Variants in SAMD7 observed in about 807,000 individuals in gnomAD.
SAMD7 encodes sterile alpha motif domain containing 7.
Under a neutral mutation model 36.7 loss-of-function variants are expected in SAMD7, and 34 were observed. The ratio of observed to expected loss-of-function variants is 0.93; its 90% CI spans 0.71 to 1.23. The LOEUF (loss-of-function observed/expected upper bound fraction) is 1.23, where lower values mean the gene tolerates loss of function less well. Ranked by LOEUF, SAMD7 falls within the 50% of genes most tolerant of loss-of-function variation. The probability of loss-of-function intolerance (pLI) is 0.00; values close to 1 mark genes in which losing one functional copy is unlikely to be tolerated. For synonymous variants in SAMD7, 188 were observed against 189.7 expected, an observed-to-expected ratio of 0.99 and a Z score of 0.07; for missense variants, 570 against 546.6, an observed-to-expected ratio of 1.04 and a Z score of -0.43.
At chr3:169,921,149 A>T (rs1713024769) in intron 3 of SAMD7, 65 bp from the exon 4 acceptor site, 1 of 1,449,542 alleles carries the variant, frequency 6.9e-7, no homozygotes, top group Non-Finnish European at 9.7e-7. Flanking sequence ...TCATTGTCTC[A>T]GCCATGGAAA....
Position 169,928,533 on chromosome 3 carries a change from G to GCACA in SAMD7, c.997_1000dup (p.Ser334ThrfsTer18), listed in dbSNP as rs1713364880. 1 of 1,613,900 alleles carries GCACA rather than the reference G, an allele frequency of 6.2e-7. No homozygotes were observed. The highest frequency in any genetic ancestry group is 1.3e-5 in the African/African-American group (1 of 74,918). On this transcript the variant is annotated frameshift_variant, in exon 7 of 9. Coordinates refer to ENST00000335556, the MANE Select transcript of SAMD7 (RefSeq NM_001304366.2). LOFTEE classifies it high-confidence loss of function. The stretch of plus-strand genomic sequence containing the variant: ...TTCAGAAGTGGACCGTGGATGATGT[G>GCACA]CACAGCTTCATTCGCAGCCTTCCAG...
chr3:169,926,078 A>G, intron 5 of SAMD7: 1 of 378,678 alleles, frequency 2.6e-6, no homozygotes. Context: ...ATTGAGGACC[A>G]AAAAGCAAAG....
chr3:169,923,339 G>A (rs1341478092), intron 4 of SAMD7, among the ~76,000 whole-genome samples: 1 of 152,174 alleles, frequency 6.6e-6, no homozygotes, highest in Admixed American at 6.5e-5. Flanking sequence ...TTGGTTCAAG[G>A]ACCAAAGGAG....
chr3:169,921,120 A>T lies in SAMD7; in HGVS notation c.87-94A>T, dbSNP rs547167651. 1.1e-5 allele frequency: 12 copies of T among 1,115,824 alleles called. No homozygotes were observed. The East Asian group carries it at 2.1e-4, about 20-fold the overall frequency. 69.1% of individuals were successfully genotyped at this position (1,115,824 alleles called of 1,614,324 possible). On this transcript the variant is annotated intron_variant, in intron 3 of 8. Transcript: ENST00000335556. ...TCTTGAGAAGAGATGATAGAATCCC[A>T]TATGGCAATAACAAAATCTCATTGT... is the stretch of plus-strand genomic sequence containing the variant.
chr3:169,923,378 G>GC (rs1325375673), intron 4 of SAMD7, among the ~76,000 whole-genome samples: 1 of 152,218 alleles, frequency 6.6e-6, no homozygotes, highest in African/African-American at 2.4e-5. Flanking sequence ...CTGGATGGAA[G>GC]CCAGCTGGCA....
intron 1 of SAMD7, among the ~76,000 whole-genome samples, chr3:169,912,971 C>T (rs189033901): frequency 4.6e-5 from 7 of 152,048 alleles, no homozygotes; most frequent in African/African-American, 1.7e-4. Flanking sequence ...AAGGCCTCTG[C>T]AAAACATAAG....
chr3:169,924,491 G>A (rs1242662264), intron 4 of SAMD7, among the ~76,000 whole-genome samples: 4 of 152,248 alleles, frequency 2.6e-5, no homozygotes, highest in South Asian at 4.1e-4. Flanking sequence ...GGAGGCTGAG[G>A]CAGGAGAATT....
intron 7 of SAMD7, among the ~76,000 whole-genome samples, chr3:169,934,040 G>A (rs1445436600): frequency 6.6e-6 from 1 of 152,182 alleles, no homozygotes; most frequent in Admixed American, 6.5e-5. Flanking sequence ...AGTTCCCAGT[G>A]CTACAGAGGG....
intron 7 of SAMD7, among the ~76,000 whole-genome samples, chr3:169,935,600 G>T (rs1369150494): frequency 6.6e-6 from 1 of 152,136 alleles, no homozygotes; most frequent in Non-Finnish European, 1.5e-5. Context: ...AGTTTGAGGA[G>T]GGTGGAGATA....
At chr3:169,937,906 T>C (rs899169783) in intron 8 of SAMD7, among the ~76,000 whole-genome samples, 3 of 152,124 alleles carry the variant, frequency 2.0e-5, no homozygotes, top group Admixed American at 1.3e-4. Flanking sequence ...GTAAAAGTGG[T>C]CCTTTTAATA....
At chr3:169,913,513 G>T (rs1476821475) in intron 1 of SAMD7, among the ~76,000 whole-genome samples, 1 of 152,122 alleles carries the variant, frequency 6.6e-6, no homozygotes, top group African/African-American at 2.4e-5. Context: ...TGCCTGGAGG[G>T]GTTTGTTGAG....
At chr3:169,931,375 G>T (rs1020431780) in intron 7 of SAMD7, among the ~76,000 whole-genome samples, 4 of 152,246 alleles carry the variant, frequency 2.6e-5, no homozygotes, top group African/African-American at 9.6e-5. Context: ...CTGAGGGTTA[G>T]ATCCTCACAC....
In SAMD7 at chr3:169,919,599, T is replaced by C. The variant is rs371377374; in HGVS notation, c.86+15T>C. The C allele has an allele frequency of 5.1e-6, 8 of 1,567,664 alleles. No individual in the cohort carries two copies. The highest frequency in any genetic ancestry group is 7.0e-6 in the Non-Finnish European group (8 of 1,137,462). On this transcript the variant is annotated intron_variant, in intron 3 of 8. Transcript: ENST00000335556. ...ACTGTGGACAGGTATTTCTCTTCAA[T>C]ATAATAGTTTGATCAAAGAACAACA... is the stretch of plus-strand genomic sequence containing the variant.
At chr3:169,922,752 G>C (rs1713100123) in intron 4 of SAMD7, among the ~76,000 whole-genome samples, 2 of 152,180 alleles carry the variant, frequency 1.3e-5, no homozygotes, top group Non-Finnish European at 2.9e-5. Context: ...ACTTGCTTCA[G>C]CCTCCCAAAG....
rs187673683 is a variant in SAMD7 at position 169,926,997 on chromosome 3, G to A, written c.735G>A (p.Thr245=). 1.2e-4 allele frequency: 186 copies of A among 1,613,882 alleles called. 2 individuals carry two copies. In the Admixed American group the frequency reaches 3.0e-3, roughly 26 times the overall value. ...QKSSETNEKP[T]TALANTCGEL... is the part of the protein sequence containing the mutation. ...CAAGTGAAACGAATGAAAAGCCAAC[G>A]ACAGCTCTTGCCAACACCTGTGGAG... is the stretch of plus-strand genomic sequence containing the variant. Residue 245 remains threonine (T), a synonymous_variant, in exon 6 of 9, where the codon ACG becomes ACA. Coordinates refer to ENST00000335556, the MANE Select transcript of SAMD7 (RefSeq NM_001304366.2).
At chr3:169,923,085 C>G (rs75725101) in intron 4 of SAMD7, among the ~76,000 whole-genome samples, 3,389 of 152,248 alleles carry the variant, frequency 0.022, 88 homozygotes, top group East Asian at 0.13. Context: ...TCTATCCCCC[C>G]CAAAACCATA....
At chr3:169,930,111 T>C (rs1210632337) in intron 7 of SAMD7, among the ~76,000 whole-genome samples, 1 of 152,242 alleles carries the variant, frequency 6.6e-6, no homozygotes, top group Non-Finnish European at 1.5e-5. Flanking sequence ...GTGCAATTTA[T>C]AATAATAGCT....
chr3:169,913,653 T>G (rs181068777), intron 1 of SAMD7, among the ~76,000 whole-genome samples: 1 of 152,334 alleles, frequency 6.6e-6, no homozygotes, highest in African/African-American at 2.4e-5. Flanking sequence ...TCCCTCACTT[T>G]GGGATTACCA....
intron 7 of SAMD7, among the ~76,000 whole-genome samples, chr3:169,929,092 A>G (rs1308296099): frequency 1.3e-5 from 2 of 152,228 alleles, no homozygotes; most frequent in African/African-American, 2.4e-5. Flanking sequence ...ATAAAAATGC[A>G]TACAACATAT....
Sources: gnomAD v4.1 joint callset for allele counts (sites outside exome capture counted in the v4.1 genomes callset) on GRCh38, gnomAD v4.1.1 for gene constraint, MANE v1.5 for transcripts, NCBI Gene and HGNC (gene_info 2026-07-23, HGNC 2026-07-21) for gene names.